The following ACP6 variants were observed in gnomAD, a reference collection of about 807,000 sequenced individuals.
ACP6 encodes acid phosphatase 6, lysophosphatidic.
In ACP6, 48 loss-of-function variants were observed where a neutral mutation model predicts 48.1. The observed-to-expected ratio is 1.00, with a 90% CI of 0.79 to 1.27. The LOEUF (loss-of-function observed/expected upper bound fraction) is 1.27, where lower values mean the gene tolerates loss of function less well. Ranked by LOEUF, ACP6 falls within the 50% of genes most tolerant of loss-of-function variation. ACP6 has a pLI of 0.00. For missense variants in ACP6, 485 were observed against 529.1 expected (o/e 0.92, Z 0.82); for synonymous variants, 172 against 204.2 (o/e 0.84, Z 1.34).
At chr1:147,649,805 C>A (rs1659823059) in intron 8 of ACP6, 1 of 314,612 alleles carries the variant, frequency 3.2e-6, no homozygotes, top group South Asian at 3.6e-5. Flanking sequence ...GAAAGTGGTT[C>A]AAACTACACA....
intron 1 of ACP6, among the ~76,000 whole-genome samples, chr1:147,662,046 A>G (rs1553212867): frequency 6.6e-6 from 1 of 152,214 alleles, no homozygotes; most frequent in African/African-American, 2.4e-5. Context: ...GTGCTGTATA[A>G]ATGGAACAAC....
intron 1 of ACP6, among the ~76,000 whole-genome samples, chr1:147,665,735 A>C (rs1190818264): frequency 6.6e-6 from 1 of 152,196 alleles, no homozygotes; most frequent in East Asian, 1.9e-4. Context: ...AGGCACATTC[A>C]CCAAGAGAGG....
At chr1:147,652,405 G>GTCTGACCA (rs1659970856) in intron 7 of ACP6, 44 bp downstream of exon 7, 2 of 1,564,900 alleles carry the variant, frequency 1.3e-6, no homozygotes, top group African/African-American at 2.7e-5. Context: ...ACACTTGGAT[G>GTCTGACCA]TCTGACCAAG....
exon 6 of ACP6, chr1:147,630,240 C>G (rs1361556163): frequency 6.6e-6 from 1 of 152,214 alleles, no homozygotes; most frequent in Non-Finnish European, 1.5e-5. Flanking sequence ...CATACCTCAG[C>G]ACCTGCACCT....
chr1:147,631,473 A>G (rs1659161467), intron 5 of ACP6, among the ~76,000 whole-genome samples: 1 of 151,966 alleles, frequency 6.6e-6, no homozygotes, highest in African/African-American at 2.4e-5. Context: ...CAGTATTTTC[A>G]CTCTAGCTCT....
chr1:147,641,080 G>A (rs1553208580), downstream of ACP6, among the ~76,000 whole-genome samples: 1 of 152,142 alleles, frequency 6.6e-6, no homozygotes, highest in Non-Finnish European at 1.5e-5. Flanking sequence ...GACAGGGTAG[G>A]TGCCCTTAGC....
At chr1:147,658,847 C>T in intron 4 of ACP6, 113 bp downstream of exon 4, 2 of 990,930 alleles carry the variant, frequency 2.0e-6, no homozygotes, top group East Asian at 2.4e-5. Flanking sequence ...GGAAGTCACA[C>T]ATGCAGGAGA....
At chr1:147,664,223 C>T (rs1315547502) in intron 1 of ACP6, among the ~76,000 whole-genome samples, 1 of 152,112 alleles carries the variant, frequency 6.6e-6, no homozygotes, top group African/African-American at 2.4e-5. Context: ...CTCTTTCTGA[C>T]CCTCTAACCC....
At chr1:147,657,844 A>C (rs1553211983) in intron 4 of ACP6, among the ~76,000 whole-genome samples, 1 of 152,252 alleles carries the variant, frequency 6.6e-6, no homozygotes, top group East Asian at 1.9e-4. Flanking sequence ...AGACACCTGC[A>C]CCTGAGGCTA....
chr1:147,632,194 A>AACACACACAC (rs71584653), intron 5 of ACP6, among the ~76,000 whole-genome samples: 19,824 of 145,796 alleles, frequency 0.14, 1,806 homozygotes, highest in African/African-American at 0.27. Flanking sequence ...ACCTATGCCC[A>AACACACACAC]ACACACACAC....
Position 147,643,865 on chromosome 1 carries a change from C to A in ACP6, c.*3558G>T. 1 of 152,426 alleles carries A rather than the reference C, an allele frequency of 6.6e-6. No homozygotes were observed. Among genetic ancestry groups the A allele is most frequent in the South Asian group, 2.0e-4 (1 of 5,060 alleles). 9.4% of individuals were successfully genotyped at this position (152,426 alleles called of 1,614,324 possible). A position where few individuals can be genotyped will look rare whatever the true frequency, so the allele number is the denominator to read the frequency against. The stretch of plus-strand genomic sequence containing the variant: ...TCACAGTTCTGGAAGCTGAGAAGTC[C>A]AAGATCAAGGCACCAGAAGGTTAGG... On this transcript the variant is annotated 3_prime_UTR_variant, in exon 10 of 10. Coordinates refer to ENST00000583509, the MANE Select transcript of ACP6 (RefSeq NM_016361.5).
chr1:147,650,914 A>C (rs1300436386), intron 7 of ACP6: 1 of 152,190 alleles, frequency 6.6e-6, no homozygotes, highest in Non-Finnish European at 1.5e-5. Flanking sequence ...TACTCATCCT[A>C]GCAGCTGATC....
At chr1:147,653,743 G>T (rs891143874) in intron 6 of ACP6, among the ~76,000 whole-genome samples, 1 of 152,082 alleles carries the variant, frequency 6.6e-6, no homozygotes, top group Admixed American at 6.5e-5. Context: ...CAGAAAAAAA[G>T]ATCCTATGGC....
intron 5 of ACP6, among the ~76,000 whole-genome samples, chr1:147,631,689 C>T (rs781820384): frequency 2.9e-4 from 44 of 152,064 alleles, no homozygotes; most frequent in Non-Finnish European, 4.6e-4. Context: ...TGGCACACAC[C>T]GGCAGTCCCA....
chr1:147,659,723 T>C lies in ACP6; in HGVS notation c.272A>G (p.Tyr91Cys), dbSNP rs1553212404. 14 of 1,614,142 alleles carry C rather than the reference T, an allele frequency of 8.7e-6. No individual in the cohort carries two copies. The highest frequency in any genetic ancestry group is 1.2e-5 in the Non-Finnish European group (14 of 1,180,040). ...ACCACCAGCTAGATTGGTGACTGTG[T>C]AATCAAACTGAGTTTGGGGTGGGAC... ...LEVPPQTQFD[Y>C]TVTNLAGGPK... Residue 91 changes from tyrosine (Y) to cysteine (C), a missense_variant, in exon 2 of 10, where the codon TAC becomes TGC. By Grantham distance (194) the Tyr-to-Cys change is radical. Coordinates refer to ENST00000583509, the MANE Select transcript of ACP6 (RefSeq NM_016361.5).
At chr1:147,652,315 C>G in intron 7 of ACP6, 134 bp downstream of exon 7, 1 of 849,766 alleles carries the variant, frequency 1.2e-6, no homozygotes, top group South Asian at 1.9e-5. Flanking sequence ...GGTAGGTGGG[C>G]AGAATGGGGT....
downstream of ACP6, among the ~76,000 whole-genome samples, chr1:147,641,791 GGTGA>G (rs1659459820): frequency 6.6e-6 from 1 of 152,192 alleles, no homozygotes; most frequent in South Asian, 2.1e-4. Flanking sequence ...TCACACAACT[GGTGA>G]GTGAGGGAGC....
Position 147,658,958 on chromosome 1 carries a change from A to C in ACP6, c.559+2T>G. ...GGACTGACTGGGACCCCAAATACGAACCTTCTTTCTGACACTGGAAAAGCC... is the reference window on the plus strand; with the variant it reads ...GGACTGACTGGGACCCCAAATACGACCCTTCTTTCTGACACTGGAAAAGCC... On this transcript the variant is annotated splice_donor_variant, in intron 4 of 9. Coordinates refer to ENST00000583509, the MANE Select transcript of ACP6 (RefSeq NM_016361.5). LOFTEE classifies it high-confidence loss of function. The C allele has an allele frequency of 6.2e-7, 1 of 1,610,528 alleles. No homozygotes were observed. Among genetic ancestry groups the C allele is most frequent in the Non-Finnish European group, 8.5e-7 (1 of 1,178,054 alleles).
At chr1:147,648,143 A>C (rs897571119) in intron 9 of ACP6, 103 bp downstream of exon 9, 1 of 1,354,822 alleles carries the variant, frequency 7.4e-7, no homozygotes, top group Non-Finnish European at 1.0e-6. Context: ...GTGCCAAGAG[A>C]GACTCCACTG....
Sources: allele counts gnomAD v4.1 joint callset (sites outside exome capture counted in the v4.1 genomes callset), GRCh38; gene constraint gnomAD v4.1.1; transcripts MANE v1.5; gene names NCBI Gene and HGNC (gene_info 2026-07-23, HGNC 2026-07-21).